BRCA1: variants seen among roughly 807,000 people sequenced by gnomAD.
The protein encoded by BRCA1 is breast cancer type 1 susceptibility protein.
In BRCA1, 140 loss-of-function variants were observed where a neutral mutation model predicts 173.7. The ratio of observed to expected loss-of-function variants is 0.81; its 90% CI spans 0.70 to 0.93. The LOEUF is 0.93. Among genes scored for constraint, BRCA1 ranks in the 40% least tolerant of loss-of-function variants. The pLI, the probability that BRCA1 is intolerant of heterozygous loss-of-function variation, is 0.00. For synonymous variants in BRCA1, 662 were observed against 756.0 expected, an observed-to-expected ratio of 0.88 and a Z score of 2.04; for missense variants, 1,983 against 2,172.5, an observed-to-expected ratio of 0.91 and a Z score of 1.73.
chr17:43,162,499 A>G (rs2056242709), intron 1 of BRCA1: 1 of 152,174 alleles, frequency 6.6e-6, no homozygotes, highest in African/African-American at 2.4e-5. Flanking sequence ...GTCATAACAC[A>G]CATCAGGTTG....
chr17:43,050,971 G>A, intron 20 of BRCA1, 92 bp downstream of exon 20: 1 of 1,277,030 alleles, frequency 7.8e-7, no homozygotes, highest in Non-Finnish European at 1.1e-6. Flanking sequence ...TCAGCAATCT[G>A]AGGAACCCCC....
chr17:43,069,770 A>G (rs2052304021), intron 15 of BRCA1, among the ~76,000 whole-genome samples: 1 of 152,172 alleles, frequency 6.6e-6, no homozygotes, highest in Non-Finnish European at 1.5e-5. Flanking sequence ...GTAACTACCT[A>G]TGGAGAAGTT....
chr17:43,145,395 C>T lies in BRCA1; in HGVS notation c.-19-21280G>A, dbSNP rs548450879. 20 of 389,826 alleles carry T rather than the reference C, an allele frequency of 5.1e-5. No homozygotes were observed. The East Asian group carries it at 1.2e-3, about 23-fold the overall frequency. 24.1% of individuals were successfully genotyped at this position (389,826 alleles called of 1,614,324 possible). ...AGGCTGCAGTGCAGTGGTGCGATCT[C>T]GGCTCACTGCAAGCTCCGCCTCCCG... On this transcript the variant is annotated intron_variant, in intron 1 of 7. Transcript: ENST00000634433.
At position 43,102,740 on chromosome 17, in the gene BRCA1, T is replaced by A. The variant is rs556333401; in HGVS notation, c.441+1382A>T. 4.0e-3 allele frequency among the ~76,000 whole-genome samples: 599 copies of A among 151,418 alleles called. 5 individuals carry two copies. The highest frequency in any genetic ancestry group is 0.014 in the African/African-American group (576 of 41,278). On this transcript the variant is annotated intron_variant, in intron 6 of 22. Transcript: ENST00000357654. ...TGATCATAGCTCACTGTAGTCTACA[T>A]CTCCTGGACTCAAGTGATCCTTCTG...
At position 43,044,766 on chromosome 17, in the gene BRCA1, A is replaced by G; in HGVS notation, c.*912T>C. ...CATTCTTTAGAAATCTAGCAAATAT[A>G]TCTCAGACTTTTAGAAATCTCTTCT... On this transcript the variant is annotated 3_prime_UTR_variant, in exon 23 of 23. Transcript: ENST00000357654. 4 of 480,548 alleles carry G rather than the reference A, an allele frequency of 8.3e-6. No homozygotes were observed. The highest frequency in any genetic ancestry group is 6.6e-5 in the South Asian group (4 of 60,526). The allele number at this position is 480,548 out of a possible 1,614,324, so 29.8% of individuals were successfully genotyped here.
At chr17:43,104,733 T>C (rs1048702519) in intron 5 of BRCA1, 135 bp downstream of exon 5, 2 of 775,734 alleles carry the variant, frequency 2.6e-6, no homozygotes, top group African/African-American at 1.7e-5. Flanking sequence ...TTTTTAAAAA[T>C]AGATTACAGA....
intron 18 of BRCA1, among the ~76,000 whole-genome samples, chr17:43,062,673 T>C (rs962488559): frequency 3.3e-5 from 5 of 152,002 alleles, no homozygotes; most frequent in South Asian, 2.1e-4. Context: ...TCTTGGCTCA[T>C]TGCAACCTCC....
At position 43,071,250 on chromosome 17, in the gene BRCA1, G is replaced by A. The variant is rs1380281979; in HGVS notation, c.4676-12C>T. On this transcript the variant is annotated splice_polypyrimidine_tract_variant and intron_variant, in intron 14 of 22. Transcript: ENST00000357654. ...GTAAGGGGTTCCCTCTGAAAGGAAT[G>A]GGAGAAGTTTAATTTACACAACGAT... is the stretch of plus-strand genomic sequence containing the variant. 6.2e-7 allele frequency: 1 copy of A among 1,612,312 alleles called. No homozygotes were observed. The highest frequency in any genetic ancestry group is 8.5e-7 in the Non-Finnish European group (1 of 1,178,678).
intron 1 of BRCA1, chr17:43,148,433 A>C (rs1019558251): frequency 6.6e-6 from 1 of 152,332 alleles, no homozygotes; most frequent in Non-Finnish European, 1.5e-5. Context: ...GCAGTTTTAT[A>C]GGATTTGGGT....
At chr17:43,163,245 C>T (rs1187910376) in intron 1 of BRCA1, 2 of 152,252 alleles carry the variant, frequency 1.3e-5, no homozygotes, top group Non-Finnish European at 2.9e-5. Flanking sequence ...AGGCCACTGG[C>T]CTTGGCCAGG....
At chr17:43,087,264 C>G (rs1318178607) in intron 11 of BRCA1, among the ~76,000 whole-genome samples, 1 of 152,204 alleles carries the variant, frequency 6.6e-6, no homozygotes, top group Non-Finnish European at 1.5e-5. Context: ...CAAACTGTGC[C>G]TCTTACCCTG....
At chr17:43,121,683 C>CAAAAAAAAAAAAAAA (rs71160013) in intron 2 of BRCA1, among the ~76,000 whole-genome samples, 1 of 32,894 alleles carries the variant, frequency 3.0e-5, no homozygotes, top group African/African-American at 1.4e-4. Flanking sequence ...AAGTCTGTCT[C>CAAAAAAAAAAAAAAA]AAAAAAAAAA....
chr17:43,133,912 G>A (rs2055993514), intron 1 of BRCA1, among the ~76,000 whole-genome samples: 1 of 152,178 alleles, frequency 6.6e-6, no homozygotes, highest in Non-Finnish European at 1.5e-5. Flanking sequence ...TAGGATTACA[G>A]GCGTGAGCCA....
chr17:43,165,331 C>T (rs891347747), intron 1 of BRCA1, among the ~76,000 whole-genome samples: 2 of 152,120 alleles, frequency 1.3e-5, no homozygotes, highest in African/African-American at 4.8e-5. Context: ...ACAGAATTTT[C>T]TTTACAATTA....
chr17:43,060,536 G>A (rs888438805), intron 18 of BRCA1, among the ~76,000 whole-genome samples: 1 of 151,910 alleles, frequency 6.6e-6, no homozygotes, highest in African/African-American at 2.4e-5. Flanking sequence ...CTGTCGTTCA[G>A]GCTGGAGTGC....
intron 3 of BRCA1, chr17:43,110,388 C>T (rs1448521473): frequency 4.4e-6 from 1 of 228,278 alleles, no homozygotes; most frequent in African/African-American, 2.3e-5. Flanking sequence ...AAGTTCAAGA[C>T]CAGCCTGGGA....
chr17:43,145,077 C>A, intron 1 of BRCA1: 1 of 815,890 alleles, frequency 1.2e-6, no homozygotes. Context: ...AAGGCAGCAG[C>A]GAAGGATAAA....
chr17:43,065,184 CT>C lies in BRCA1; in HGVS notation c.5075-1234del, dbSNP rs2052012194. On this transcript the variant is annotated intron_variant, in intron 16 of 22. Transcript: ENST00000357654. ...AACCTATAGCTTAAGGTATCTTAAA[CT>C]TTAATGACATTTTTCTCTAAAATAG... 3.3e-5 allele frequency among the ~76,000 whole-genome samples: 5 copies of C among 152,084 alleles called. No individual in the cohort carries two copies. In the East Asian group the frequency reaches 7.8e-4, roughly 24 times the overall value.
intron 7 of BRCA1, among the ~76,000 whole-genome samples, chr17:43,099,043 G>C (rs1271359148): frequency 6.8e-6 from 1 of 146,310 alleles, no homozygotes; most frequent in African/African-American, 2.5e-5. Flanking sequence ...GGCTGGTCTT[G>C]AACTCCCGAC....
Sources: gnomAD v4.1 joint callset for allele counts (sites outside exome capture counted in the v4.1 genomes callset) on GRCh38, gnomAD v4.1.1 for gene constraint, MANE v1.5 for transcripts, NCBI Gene and HGNC (gene_info 2026-07-23, HGNC 2026-07-21) for gene names.